REDIC1: variants seen among roughly 807,000 people sequenced by gnomAD.
REDIC1 encodes the protein regulator of DNA class I crossover intermediates 1.
chr12:39,653,572 T>TCTTCTTC, the REDIC1 span, among the ~76,000 whole-genome samples: 2 of 72,876 alleles, frequency 2.7e-5, no homozygotes, highest in African/African-American at 8.7e-5. Context: ...TTCTTCTTCT[T>TCTTCTTC]TTTCTTCCTC....
the REDIC1 span, among the ~76,000 whole-genome samples, chr12:39,662,737 C>T: frequency 6.6e-6 from 1 of 151,994 alleles, no homozygotes; most frequent in African/African-American, 2.4e-5. Context: ...TCAGGTTTTT[C>T]CCATTCAGTA....
chr12:39,783,633 A>AT, the REDIC1 span, among the ~76,000 whole-genome samples: 1 of 152,006 alleles, frequency 6.6e-6, no homozygotes, highest in Admixed American at 6.6e-5. Context: ...AATGATGAGC[A>AT]TTTTTTCATT....
chr12:39,650,120 A>AT, the REDIC1 span: 5 of 1,105,644 alleles, frequency 4.5e-6, no homozygotes, highest in African/African-American at 1.6e-5. The surrounding 1 kb of genome is among the most constrained non-coding windows in gnomAD (Gnocchi z 4.3). Flanking sequence ...ATTTTGGACT[A>AT]TTTTTACAAT....
chr12:39,711,635 A>ATGTGTATACACATGTATGTG, the REDIC1 span, among the ~76,000 whole-genome samples: 18 of 13,254 alleles, frequency 1.4e-3, no homozygotes, highest in Non-Finnish European at 6.9e-3. Context: ...ACGTATGTGT[A>ATGTGTATACACATGTATGTG]TATGTGTATA....
the REDIC1 span, among the ~76,000 whole-genome samples, chr12:39,713,073 G>T: frequency 6.2e-4 from 89 of 144,480 alleles, 2 homozygotes; most frequent in East Asian, 0.014. Flanking sequence ...GTGTATACAC[G>T]TGCATACGTG....
At chr12:39,713,411 CACAT>C in the REDIC1 span, among the ~76,000 whole-genome samples, 35 of 8,888 alleles carry the variant, frequency 3.9e-3, no homozygotes, top group South Asian at 7.7e-3. Flanking sequence ...CGTATGTATA[CACAT>C]ATACATATGT....
At chr12:39,669,771 T>C in the REDIC1 span, among the ~76,000 whole-genome samples, 3 of 152,292 alleles carry the variant, frequency 2.0e-5, no homozygotes, top group South Asian at 6.2e-4. Flanking sequence ...CCTCCCAGCC[T>C]GGCTGCCGCC....
chr12:39,835,123 A>G, the REDIC1 span, among the ~76,000 whole-genome samples: 1 of 152,134 alleles, frequency 6.6e-6, no homozygotes, highest in Admixed American at 6.6e-5. Context: ...AGCATAGACT[A>G]AAATCTTTTC....
At chr12:39,797,009 A>G in the REDIC1 span, among the ~76,000 whole-genome samples, 1 of 152,236 alleles carries the variant, frequency 6.6e-6, no homozygotes, top group Non-Finnish European at 1.5e-5. Flanking sequence ...AGTGTAAAAG[A>G]GTGTTTTTTG....
the REDIC1 span, among the ~76,000 whole-genome samples, chr12:39,813,383 T>C: frequency 6.6e-6 from 1 of 152,070 alleles, no homozygotes; most frequent in African/African-American, 2.4e-5. Context: ...ATAACAAACT[T>C]TCAACAACTG....
the REDIC1 span, among the ~76,000 whole-genome samples, chr12:39,728,258 AG>A: frequency 1.3e-5 from 2 of 152,180 alleles, no homozygotes; most frequent in Non-Finnish European, 2.9e-5. Flanking sequence ...TTGCCCATTC[AG>A]TATGATATTG....
the REDIC1 span, among the ~76,000 whole-genome samples, chr12:39,657,198 A>G: frequency 3.9e-5 from 6 of 152,218 alleles, no homozygotes; most frequent in South Asian, 1.2e-3. Flanking sequence ...TTTTTTTCCT[A>G]TACCTTTTCT....
At chr12:39,740,188 G>A in the REDIC1 span, among the ~76,000 whole-genome samples, 1 of 152,154 alleles carries the variant, frequency 6.6e-6, no homozygotes, top group Non-Finnish European at 1.5e-5. Flanking sequence ...TTATTACACA[G>A]CAATAACTAG....
chr12:39,896,547 T>C, the REDIC1 span, among the ~76,000 whole-genome samples: 17 of 141,186 alleles, frequency 1.2e-4, no homozygotes, highest in East Asian at 3.8e-3. Context: ...TATGTATGTG[T>C]GTATACATGT....
chr12:39,692,449 TG>T, the REDIC1 span, among the ~76,000 whole-genome samples: 7 of 152,018 alleles, frequency 4.6e-5, no homozygotes, highest in African/African-American at 7.2e-5. Flanking sequence ...TCCTTGAATT[TG>T]TTTTTTGTTA....
At chr12:39,685,834 A>C in the REDIC1 span, among the ~76,000 whole-genome samples, 1 of 152,268 alleles carries the variant, frequency 6.6e-6, no homozygotes, top group African/African-American at 2.4e-5. Flanking sequence ...TGGCGGTACA[A>C]GCATTGGGTA....
the REDIC1 span, among the ~76,000 whole-genome samples, chr12:39,862,642 C>G: frequency 1.3e-5 from 2 of 152,176 alleles, no homozygotes; most frequent in Non-Finnish European, 2.9e-5. Flanking sequence ...CTTCACTCAT[C>G]TTAAGGTATT....
the REDIC1 span, among the ~76,000 whole-genome samples, chr12:39,773,248 T>C: frequency 6.6e-6 from 1 of 152,082 alleles, no homozygotes; most frequent in Non-Finnish European, 1.5e-5. Context: ...GGCACTGCAG[T>C]GGACAAAGCA....
the REDIC1 span, among the ~76,000 whole-genome samples, chr12:39,645,626 A>G: frequency 6.6e-6 from 1 of 152,060 alleles, no homozygotes; most frequent in Non-Finnish European, 1.5e-5. Context: ...CCACTGTAAG[A>G]ATATTTCCTT....
Sources: allele counts gnomAD v4.1 joint callset (sites outside exome capture counted in the v4.1 genomes callset), GRCh38; gene constraint gnomAD v4.1.1; non-coding constraint Gnocchi (gnomAD v3.1); transcripts MANE v1.5; gene names NCBI Gene and HGNC (gene_info 2026-07-23, HGNC 2026-07-21).